PPIP5K2: variants seen among roughly 807,000 people sequenced by gnomAD.
The protein encoded by PPIP5K2 is inositol hexakisphosphate and diphosphoinositol-pentakisphosphate kinase 2.
A neutral mutation model predicts 154.6 loss-of-function variants in PPIP5K2; 105 were observed. That is an observed-to-expected ratio of 0.68 (90% CI 0.58 to 0.80). PPIP5K2 has a LOEUF of 0.80. PPIP5K2 is among the 30% of genes least tolerant of loss of function. PPIP5K2 has a pLI of 0.00. For missense variants in PPIP5K2, 992 were observed against 1,504.6 expected, an observed-to-expected ratio of 0.66 and a Z score of 5.64; for synonymous variants, 480 against 490.3, an observed-to-expected ratio of 0.98 and a Z score of 0.28.
At chr5:103,197,460 CT>C (rs141436952) in intron 30 of PPIP5K2, among the ~76,000 whole-genome samples, 23 of 143,152 alleles carry the variant, frequency 1.6e-4, no homozygotes, top group African/African-American at 4.1e-4. Flanking sequence ...TTGTGTTCTA[CT>C]TTTTTTTTGT....
chr5:103,146,349 C>T (rs1249798603), intron 5 of PPIP5K2, among the ~76,000 whole-genome samples, 178 bp from the exon 6 acceptor site: 2 of 151,914 alleles, frequency 1.3e-5, no homozygotes, highest in African/African-American at 2.4e-5. Flanking sequence ...TAATGCCATA[C>T]GTATCATAAA....
chr5:103,155,945 G>A lies in PPIP5K2; in HGVS notation c.1440G>A (p.Gln480=). The A allele has an allele frequency of 6.2e-7, 1 of 1,604,716 alleles. No individual in the cohort carries two copies. Among genetic ancestry groups the A allele is most frequent in the East Asian group, 2.2e-5 (1 of 44,738 alleles). Residue 480 remains glutamine, a synonymous_variant, in exon 14 of 31, where the codon CAG becomes CAA. Coordinates refer to ENST00000358359, the MANE Select transcript of PPIP5K2 (RefSeq NM_001276277.3). The part of the protein sequence containing the change: ...GHFSGINRKV[Q]LTYLPHGCPK... ...TTTCTGGAATAAATCGTAAGGTTCA[G>A]TTGACCTATCTCCCTCATGGTTGTC...
rs550427772 is a variant in PPIP5K2 at position 103,211,205 on chromosome 5, C to T, written c.*9571C>T. 2.6e-5 allele frequency: 4 copies of T among 152,138 alleles called. No homozygotes were observed. Among genetic ancestry groups the T allele is most frequent in the African/African-American group, 9.6e-5 (4 of 41,502 alleles). 9.4% of individuals were successfully genotyped at this position (152,138 alleles called of 1,614,324 possible). Reference sequence around the variant, plus strand: ...TATTTCATTCCTTACTGCTTTCTGCCCTCCATTCTGACCAATGCTGCAACC... The same window carrying T: ...TATTTCATTCCTTACTGCTTTCTGCTCTCCATTCTGACCAATGCTGCAACC... On this transcript the variant is annotated 3_prime_UTR_variant, in exon 31 of 31. Coordinates refer to ENST00000358359, the MANE Select transcript of PPIP5K2 (RefSeq NM_001276277.3).
intron 19 of PPIP5K2, among the ~76,000 whole-genome samples, chr5:103,170,272 T>TAG (rs1797777564): frequency 6.6e-6 from 1 of 151,580 alleles, no homozygotes; most frequent in Non-Finnish European, 1.5e-5. Context: ...CACTAAAGAT[T>TAG]AGTATGTTAC....
intron 5 of PPIP5K2, among the ~76,000 whole-genome samples, chr5:103,142,000 TG>T (rs2149512165): frequency 6.6e-6 from 1 of 152,314 alleles, no homozygotes; most frequent in Non-Finnish European, 1.5e-5. Flanking sequence ...GGGCTGCAGG[TG>T]GAGCTGCCTG....
At chr5:103,161,579 G>C (rs1357404699) in intron 17 of PPIP5K2, among the ~76,000 whole-genome samples, 24 of 152,282 alleles carry the variant, frequency 1.6e-4, no homozygotes, top group African/African-American at 5.1e-4. Flanking sequence ...CCCACCAACA[G>C]TGTAAAAGTG....
chr5:103,149,112 A>G lies in PPIP5K2; in HGVS notation c.745-40A>G. The G allele has an allele frequency of 6.1e-6, 9 of 1,469,358 alleles. No individual in the cohort carries two copies. The South Asian group carries it at 1.2e-4, about 19-fold the overall frequency. 91.0% of individuals were successfully genotyped at this position (1,469,358 alleles called of 1,614,324 possible). On this transcript the variant is annotated intron_variant, in intron 7 of 30. Coordinates refer to ENST00000358359, the MANE Select transcript of PPIP5K2 (RefSeq NM_001276277.3). The stretch of plus-strand genomic sequence containing the variant: ...GTTGGTTACACACACACACACACAT[A>G]CATATATATATTTATACATTTATTA...
At chr5:103,127,424 C>A (rs966335214) in intron 1 of PPIP5K2, among the ~76,000 whole-genome samples, 1 of 152,138 alleles carries the variant, frequency 6.6e-6, no homozygotes, top group African/African-American at 2.4e-5. Flanking sequence ...ACTAAAAGCT[C>A]CTTAAGGAAA....
intron 7 of PPIP5K2, 175 bp downstream of exon 7, chr5:103,148,207 C>CT: frequency 1.5e-6 from 1 of 663,332 alleles, no homozygotes; most frequent in Non-Finnish European, 2.8e-6. Context: ...CCTATGGACT[C>CT]TTTTTTAAGA....
In PPIP5K2 at chr5:103,167,162, A is replaced by G. The variant is rs1294944528; in HGVS notation, c.1921-17A>G. 6.6e-7 allele frequency: 1 copy of G among 1,509,316 alleles called. No individual in the cohort carries two copies. The highest frequency in any genetic ancestry group is 1.4e-5 in the African/African-American group (1 of 70,776). The allele number at this position is 1,509,316 out of a possible 1,614,324, so 93.5% of individuals were successfully genotyped here. ...AGGCATAACCAGATATAAAATATAT[A>G]CTTTACTCATTTGTAGCTTACTCCA... On this transcript the variant is annotated splice_polypyrimidine_tract_variant and intron_variant, in intron 17 of 30. Transcript: ENST00000358359.
chr5:103,147,090 G>A (rs1793872223), intron 6 of PPIP5K2, among the ~76,000 whole-genome samples: 1 of 152,034 alleles, frequency 6.6e-6, no homozygotes, highest in South Asian at 2.1e-4. Flanking sequence ...GAGATATAAT[G>A]ACATTGTATT....
intron 28 of PPIP5K2, among the ~76,000 whole-genome samples, chr5:103,188,398 T>G (rs1031053305): frequency 1.1e-4 from 16 of 152,252 alleles, no homozygotes; most frequent in African/African-American, 3.8e-4. Flanking sequence ...AACACAAGTT[T>G]ATGGTCATTC....
At chr5:103,141,660 G>A (rs1424124751) in intron 5 of PPIP5K2, among the ~76,000 whole-genome samples, 1 of 152,132 alleles carries the variant, frequency 6.6e-6, no homozygotes, top group Non-Finnish European at 1.5e-5. Flanking sequence ...GTTCTCCAAG[G>A]CCCCACCAGA....
Position 103,159,494 on chromosome 5 carries a change from C to T in PPIP5K2, c.1920+166C>T, listed in dbSNP as rs148247616. On this transcript the variant is annotated intron_variant, in intron 17 of 30. Transcript: ENST00000358359. ...TTGGAACAACTTTGGCTTCTGTATG[C>T]CCCTTTTCAATCGCAACCCATTCCC... Among the ~76,000 whole-genome samples, 15 of 152,236 alleles carry T rather than the reference C, an allele frequency of 9.9e-5. 1 individual carries two copies. The East Asian group carries it at 2.9e-3, about 29-fold the overall frequency.
At chr5:103,167,861 TC>T (rs1554218385) in intron 18 of PPIP5K2, among the ~76,000 whole-genome samples, 2 of 151,924 alleles carry the variant, frequency 1.3e-5, no homozygotes, top group African/African-American at 4.8e-5. Context: ...GTTATTAAAG[TC>T]TATAATATAT....
intron 3 of PPIP5K2, among the ~76,000 whole-genome samples, chr5:103,135,426 T>C (rs1791306610): frequency 6.6e-6 from 1 of 152,152 alleles, no homozygotes; most frequent in Admixed American, 6.5e-5. Context: ...GGAGACTTTG[T>C]GTCAATTTTT....
At chr5:103,137,907 T>A (rs1791816311) in intron 4 of PPIP5K2, among the ~76,000 whole-genome samples, 1 of 137,200 alleles carries the variant, frequency 7.3e-6, no homozygotes, top group African/African-American at 2.6e-5. Context: ...GAAAGCCATT[T>A]AATCGTCACT....
intron 30 of PPIP5K2, among the ~76,000 whole-genome samples, chr5:103,201,267 A>G (rs1802948139): frequency 6.6e-6 from 1 of 152,248 alleles, no homozygotes. Context: ...TTATGAAAAT[A>G]TATTCATTTC....
At chr5:103,121,626 G>T (rs34784) in intron 1 of PPIP5K2, among the ~76,000 whole-genome samples, 1 of 152,098 alleles carries the variant, frequency 6.6e-6, no homozygotes, top group Non-Finnish European at 1.5e-5. Context: ...AGTTAGACAT[G>T]ATCTCTGTCT....
Sources: gnomAD v4.1 joint callset for allele counts (sites outside exome capture counted in the v4.1 genomes callset) on GRCh38, gnomAD v4.1.1 for gene constraint, MANE v1.5 for transcripts, NCBI Gene and HGNC (gene_info 2026-07-23, HGNC 2026-07-21) for gene names.